Variants in SAFB observed in about 807,000 individuals in gnomAD.
The protein encoded by SAFB is scaffold attachment factor B1.
SAFB carries 15 observed loss-of-function variants against 101.6 expected under a neutral mutation model. That is an observed-to-expected ratio of 0.15 (90% confidence interval 0.10 to 0.23). The LOEUF is 0.23. Among genes scored for constraint, SAFB ranks in the 10% least tolerant of loss-of-function variants. SAFB has a pLI of 1.00. For synonymous variants in SAFB, 449 were observed against 407.5 expected, an observed-to-expected ratio of 1.10 and a Z score of -1.23; for missense variants, 930 against 1,104.1, an observed-to-expected ratio of 0.84 and a Z score of 2.23.
Position 5,641,655 on chromosome 19 carries a change from A to C in SAFB, c.336A>C (p.Gly112=). ...GGCTGGAGGAAAACTCTGGGGATGGACAGGTATGTGCAGCCTTGCGAGTGA... is the reference window on the plus strand; with the variant it reads ...GGCTGGAGGAAAACTCTGGGGATGGCCAGGTATGTGCAGCCTTGCGAGTGA... ...DNGLEENSGD[G]QEDVETSLEN... The change falls in exon 3 of 21, where the codon GGA becomes GGC. Residue 112 remains glycine, a synonymous_variant. Transcript: ENST00000588852. 1 of 1,613,996 alleles carries C rather than the reference A, an allele frequency of 6.2e-7. No homozygotes were observed. Among genetic ancestry groups the C allele is most frequent in the Non-Finnish European group, 8.5e-7 (1 of 1,179,940 alleles).
At chr19:5,645,533 T>C (rs1004917308) in intron 5 of SAFB, 134 bp downstream of exon 5, 23 of 555,338 alleles carry the variant, frequency 4.1e-5, no homozygotes, top group African/African-American at 3.5e-4. Context: ...GGATCGTTAA[T>C]GGGTGTTTGC....
In SAFB at chr19:5,626,471, T is replaced by A; in HGVS notation, c.256T>A (p.Ser86Thr). 3.1e-6 allele frequency: 5 copies of A among 1,603,306 alleles called. No individual in the cohort carries two copies. Among genetic ancestry groups the A allele is most frequent in the Non-Finnish European group, 3.4e-6 (4 of 1,170,168 alleles). Residue 86 changes from serine (S) to threonine (T), a missense_variant, in exon 2 of 21, where the codon TCA becomes ACA. Transcript: ENST00000588852. ...TACCTCCGAGGGAAACAAGAAAACATCAAAGAGGTCTAGCAAAGGTATGGA... is the reference window on the plus strand; with the variant it reads ...TACCTCCGAGGGAAACAAGAAAACAACAAAGAGGTCTAGCAAAGGTATGGA... Reference protein sequence around the residue: ...EITSEGNKKTSKRSSKGRKPE... With the variant: ...EITSEGNKKTTKRSSKGRKPE...
intron 15 of SAFB, among the ~76,000 whole-genome samples, chr19:5,663,138 G>T (rs568504433): frequency 2.6e-5 from 4 of 152,040 alleles, no homozygotes; most frequent in African/African-American, 9.7e-5. Context: ...AAGTAGCTAG[G>T]ATTATAGGCA....
chr19:5,657,886 G>A (rs1440364472), intron 14 of SAFB, among the ~76,000 whole-genome samples: 5 of 152,180 alleles, frequency 3.3e-5, no homozygotes, highest in African/African-American at 2.4e-5. Context: ...CAAAGGCAGG[G>A]AGATGGAATG....
chr19:5,660,330 C>A (rs1219464523), intron 14 of SAFB, among the ~76,000 whole-genome samples: 1 of 145,170 alleles, frequency 6.9e-6, no homozygotes, highest in Non-Finnish European at 1.5e-5. Context: ...TTAAGTAGCT[C>A]CCTGCACACA....
intron 17 of SAFB, 58 bp downstream of exon 17, chr19:5,664,497 C>T: frequency 7.6e-7 from 1 of 1,311,152 alleles, no homozygotes; most frequent in Non-Finnish European, 1.1e-6. Context: ...GTTCTTTTCC[C>T]TTCAGCGTGC....
intron 13 of SAFB, among the ~76,000 whole-genome samples, chr19:5,656,565 T>A (rs1599370935): frequency 6.7e-6 from 1 of 149,170 alleles, no homozygotes; most frequent in African/African-American, 2.4e-5. Context: ...CGTGAGCCAC[T>A]GCGCCAGCAA....
intron 17 of SAFB, 140 bp downstream of exon 17, chr19:5,664,579 G>C: frequency 2.9e-6 from 2 of 686,134 alleles, no homozygotes; most frequent in South Asian, 3.3e-5. Context: ...GAAAAGTCTA[G>C]GTTTGTGGAA....
chr19:5,636,827 G>A (rs902243592), intron 2 of SAFB, among the ~76,000 whole-genome samples: 4 of 151,884 alleles, frequency 2.6e-5, no homozygotes, highest in African/African-American at 9.6e-5. Context: ...TCCTGTCTCA[G>A]CCTCCCGAGT....
intron 2 of SAFB, 65 bp downstream of exon 2, chr19:5,626,554 T>A: frequency 1.1e-6 from 1 of 940,244 alleles, no homozygotes; most frequent in Non-Finnish European, 1.7e-6. Context: ...ACATTGCTAA[T>A]GTGCCTCGTT....
At chr19:5,641,028 C>T (rs912641022) in intron 2 of SAFB, among the ~76,000 whole-genome samples, 6 of 151,360 alleles carry the variant, frequency 4.0e-5, no homozygotes, top group Admixed American at 6.6e-5. Flanking sequence ...CTCCTGGGTT[C>T]AAGTGATTGT....
intron 2 of SAFB, among the ~76,000 whole-genome samples, chr19:5,627,618 A>G (rs574268910): frequency 2.0e-5 from 3 of 152,146 alleles, no homozygotes; most frequent in South Asian, 4.2e-4. Flanking sequence ...TCTTACCGAA[A>G]TCTCTCTTGC....
intron 13 of SAFB, among the ~76,000 whole-genome samples, chr19:5,655,711 A>G (rs1038370703): frequency 6.6e-6 from 1 of 152,136 alleles, no homozygotes; most frequent in Non-Finnish European, 1.5e-5. Context: ...AGGAGCTTTC[A>G]GTCTCTGTGT....
chr19:5,653,573 C>A (rs2053988437), intron 11 of SAFB, among the ~76,000 whole-genome samples, 153 bp downstream of exon 11: 2 of 152,150 alleles, frequency 1.3e-5, no homozygotes, highest in African/African-American at 4.8e-5. Flanking sequence ...TCAAGCAATT[C>A]TCCTGCCTCA....
At chr19:5,635,984 G>A (rs780734508) in intron 2 of SAFB, among the ~76,000 whole-genome samples, 20 of 152,080 alleles carry the variant, frequency 1.3e-4, no homozygotes, top group Admixed American at 4.6e-4. Context: ...TCCTCAAGTC[G>A]TGATGATTAA....
chr19:5,650,397 C>A (rs1052607891), intron 8 of SAFB, among the ~76,000 whole-genome samples: 1 of 152,100 alleles, frequency 6.6e-6, no homozygotes, highest in African/African-American at 2.4e-5. Flanking sequence ...CACTGCACTT[C>A]CTCCTGTAAT....
chr19:5,634,120 G>C (rs1038061700), intron 2 of SAFB, among the ~76,000 whole-genome samples: 13 of 152,074 alleles, frequency 8.5e-5, no homozygotes, highest in African/African-American at 2.7e-4. Flanking sequence ...ATAGTAAATA[G>C]AATTAACAGG....
At chr19:5,626,740 G>A (rs1474890056) in intron 2 of SAFB, among the ~76,000 whole-genome samples, 1 of 152,176 alleles carries the variant, frequency 6.6e-6, no homozygotes, top group African/African-American at 2.4e-5. Context: ...ATTGTCAGCG[G>A]TCCTTAAATA....
chr19:5,623,563 C>T (rs1408322426), intron 1 of SAFB, among the ~76,000 whole-genome samples, 169 bp downstream of exon 1: 2 of 152,154 alleles, frequency 1.3e-5, no homozygotes, highest in East Asian at 3.9e-4. Flanking sequence ...GTTCCTTGGC[C>T]GGCTGGGCCT....
Sources: gnomAD v4.1 joint callset for allele counts (sites outside exome capture counted in the v4.1 genomes callset) on GRCh38, gnomAD v4.1.1 for gene constraint, MANE v1.5 for transcripts, NCBI Gene and HGNC (gene_info 2026-07-23, HGNC 2026-07-21) for gene names.